Variants in NKAIN2 observed in about 807,000 individuals in gnomAD.
NKAIN2 encodes the protein sodium/potassium transporting ATPase interacting 2.
Under a neutral mutation model 32.6 loss-of-function variants are expected in NKAIN2, and 14 were observed. The ratio of observed to expected loss-of-function variants is 0.43; its 90% CI spans 0.28 to 0.67. NKAIN2 has a LOEUF of 0.67. NKAIN2 is among the 30% of genes least tolerant of loss of function. NKAIN2 has a pLI of 0.17. For synonymous variants in NKAIN2, 80 were observed against 87.2 expected (o/e 0.92, Z 0.46); for missense variants, 198 against 258.3 (o/e 0.77, Z 1.60).
Position 124,161,144 on chromosome 6 carries a change from C to T in NKAIN2, c.55-121861C>T, listed in dbSNP as rs1294488316. On this transcript the variant is annotated intron_variant, in intron 1 of 6. Transcript: ENST00000368417. The stretch of plus-strand genomic sequence containing the variant: ...AAGAGGTTTAATGACTCACGTTCTG[C>T]CTGCTGTACAGGAAGCAATGTGGCT... Among the ~76,000 whole-genome samples, 3 of 152,090 alleles carry T rather than the reference C, an allele frequency of 2.0e-5. No individual in the cohort carries two copies. In the East Asian group the frequency reaches 5.8e-4, roughly 29 times the overall value.
chr6:124,455,642 A>C lies in NKAIN2; in HGVS notation c.273+100295A>C, dbSNP rs1308651632. On this transcript the variant is annotated intron_variant, in intron 3 of 6. Coordinates refer to ENST00000368417, the MANE Select transcript of NKAIN2 (RefSeq NM_001040214.3). ...TAATATTTTTATTAATTATGAAAGT[A>C]ATTTTTGCCATAAGAAAAATAATGA... Among the ~76,000 whole-genome samples the C allele has an allele frequency of 3.3e-5, 5 of 151,934 alleles. No homozygotes were observed. In the South Asian group the frequency reaches 1.0e-3, roughly 32 times the overall value.
chr6:123,945,473 GC>G (rs1178856668), intron 1 of NKAIN2, among the ~76,000 whole-genome samples: 2 of 152,016 alleles, frequency 1.3e-5, no homozygotes, highest in Admixed American at 1.3e-4. Flanking sequence ...AGGCTGCATT[GC>G]CCTCTAAAGT....
chr6:123,863,066 A>G (rs759896258), intron 1 of NKAIN2, among the ~76,000 whole-genome samples: 3 of 152,232 alleles, frequency 2.0e-5, no homozygotes, highest in Non-Finnish European at 2.9e-5. Flanking sequence ...CAATATTCAG[A>G]GCATAAGCTT....
At chr6:124,358,399 A>C (rs1799096426) in intron 3 of NKAIN2, among the ~76,000 whole-genome samples, 1 of 152,006 alleles carries the variant, frequency 6.6e-6, no homozygotes, top group African/African-American at 2.4e-5. Context: ...CCAACAGTGT[A>C]AAAGTGTTCC....
At chr6:123,943,464 C>T (rs1776916550) in intron 1 of NKAIN2, among the ~76,000 whole-genome samples, 1 of 151,954 alleles carries the variant, frequency 6.6e-6, no homozygotes, top group African/African-American at 2.4e-5. Context: ...GGAGGTGATT[C>T]TTTGTCCCCT....
At chr6:124,275,407 T>G (rs1794985314) in intron 1 of NKAIN2, among the ~76,000 whole-genome samples, 1 of 152,170 alleles carries the variant, frequency 6.6e-6, no homozygotes, top group Admixed American at 6.5e-5. Flanking sequence ...TTCTTGTCTC[T>G]ATTTGGTTTC....
At chr6:124,646,325 C>G (rs999926459) in intron 3 of NKAIN2, among the ~76,000 whole-genome samples, 1 of 151,900 alleles carries the variant, frequency 6.6e-6, no homozygotes, top group Non-Finnish European at 1.5e-5. Context: ...CACTATTAGA[C>G]TCGCAAGACT....
chr6:124,643,780 AAAG>A lies in NKAIN2; in HGVS notation c.274-14399_274-14397del, dbSNP rs1232888842. 1.5e-4 allele frequency among the ~76,000 whole-genome samples: 23 copies of A among 152,326 alleles called. No individual in the cohort carries two copies. In the East Asian group the frequency reaches 2.3e-3, roughly 15 times the overall value. Reference sequence around the variant, plus strand: ...GTTATCCATTTTTAATATTATTCTAAAAGAAGAAGGTAATAGAAAACTCCAGAA... The same window carrying A: ...GTTATCCATTTTTAATATTATTCTAAAAGAAGGTAATAGAAAACTCCAGAA... On this transcript the variant is annotated intron_variant, in intron 3 of 6. Transcript: ENST00000368417.
At chr6:124,472,210 T>G (rs1319066701) in intron 3 of NKAIN2, among the ~76,000 whole-genome samples, 1 of 152,164 alleles carries the variant, frequency 6.6e-6, no homozygotes. Flanking sequence ...AAGGCCTTGC[T>G]GAAAGGATAC....
At chr6:124,163,845 T>C (rs1788396376) in intron 1 of NKAIN2, among the ~76,000 whole-genome samples, 1 of 152,000 alleles carries the variant, frequency 6.6e-6, no homozygotes, top group South Asian at 2.1e-4. Context: ...TAGGAAAGAT[T>C]TAATATGGAA....
At chr6:124,207,335 C>T (rs1387461066) in intron 1 of NKAIN2, among the ~76,000 whole-genome samples, 1 of 151,020 alleles carries the variant, frequency 6.6e-6, no homozygotes, top group African/African-American at 2.4e-5. Flanking sequence ...AACTTAATTC[C>T]AAATCTATTT....
At chr6:124,757,909 G>A (rs1262423156) in intron 4 of NKAIN2, among the ~76,000 whole-genome samples, 1 of 152,124 alleles carries the variant, frequency 6.6e-6, no homozygotes, top group African/African-American at 2.4e-5. Flanking sequence ...TCAACACCAT[G>A]TTTATTAAGT....
intron 1 of NKAIN2, among the ~76,000 whole-genome samples, chr6:123,868,873 C>G (rs1772721850): frequency 6.6e-6 from 1 of 152,028 alleles, no homozygotes; most frequent in African/African-American, 2.4e-5. Flanking sequence ...CTGATCAGTT[C>G]TTGTTTATAT....
chr6:124,519,469 G>A (rs1299500691), intron 3 of NKAIN2, among the ~76,000 whole-genome samples: 2 of 152,138 alleles, frequency 1.3e-5, no homozygotes, highest in Non-Finnish European at 2.9e-5. Flanking sequence ...TGTGAAATTT[G>A]TGTGTGTACA....
At chr6:124,381,817 G>A (rs1772653967) in intron 3 of NKAIN2, among the ~76,000 whole-genome samples, 1 of 152,116 alleles carries the variant, frequency 6.6e-6, no homozygotes, top group Admixed American at 6.5e-5. Context: ...ATTTGTAAAT[G>A]TTACTTTTAA....
At chr6:124,410,892 G>A (rs1774138901) in intron 3 of NKAIN2, among the ~76,000 whole-genome samples, 1 of 152,102 alleles carries the variant, frequency 6.6e-6, no homozygotes. Flanking sequence ...TATATATTTA[G>A]GATAGTTAGT....
chr6:124,245,406 A>G (rs1194290118), intron 1 of NKAIN2, among the ~76,000 whole-genome samples: 1 of 152,078 alleles, frequency 6.6e-6, no homozygotes, highest in Non-Finnish European at 1.5e-5. Context: ...AATTTAGCAT[A>G]GAATTTGGAA....
At chr6:124,742,608 T>C (rs1777270664) in intron 4 of NKAIN2, among the ~76,000 whole-genome samples, 1 of 151,870 alleles carries the variant, frequency 6.6e-6, no homozygotes, top group Non-Finnish European at 1.5e-5. Flanking sequence ...TATATATTGG[T>C]TCTCTTTTTG....
At chr6:124,434,055 G>A (rs1249397951) in intron 3 of NKAIN2, among the ~76,000 whole-genome samples, 2 of 152,240 alleles carry the variant, frequency 1.3e-5, no homozygotes, top group South Asian at 2.1e-4. Context: ...GGCAGTGAGC[G>A]TATAGCCTTC....
Sources: allele counts gnomAD v4.1 joint callset (sites outside exome capture counted in the v4.1 genomes callset), GRCh38; gene constraint gnomAD v4.1.1; transcripts MANE v1.5; gene names NCBI Gene and HGNC (gene_info 2026-07-23, HGNC 2026-07-21).